Variants in TLCD3B observed in about 807,000 individuals in gnomAD.
The protein encoded by TLCD3B is ceramide synthase.
A neutral mutation model predicts 23.0 loss-of-function variants in TLCD3B; 9 were observed. That is an observed-to-expected ratio of 0.39 (90% CI 0.24 to 0.68). The LOEUF is 0.68. TLCD3B is among the 30% of genes least tolerant of loss of function. TLCD3B has a pLI of 0.44. For missense variants in TLCD3B, 307 were observed against 371.8 expected, an observed-to-expected ratio of 0.83 and a Z score of 1.43; for synonymous variants, 161 against 161.0, an observed-to-expected ratio of 1.00 and a Z score of 0.00.
In TLCD3B at chr16:30,025,897, C is replaced by T; in HGVS notation, c.445-76G>A. The stretch of plus-strand genomic sequence containing the variant: ...GGGCAGCCCCCGCCCTTCCTCTTTC[C>T]CCTCTGTCACTTTGGGAGATGCTTG... On this transcript the variant is annotated intron_variant, in intron 3 of 4. Transcript: ENST00000380495. The surrounding 1 kb of genome is among the most constrained non-coding windows in gnomAD (Gnocchi z 4.1). The T allele has an allele frequency of 1.7e-6, 2 of 1,146,298 alleles. No individual in the cohort carries two copies. The highest frequency in any genetic ancestry group is 2.6e-6 in the Non-Finnish European group (2 of 772,636). The allele number at this position is 1,146,298 out of a possible 1,614,324, so 71.0% of individuals were successfully genotyped here.
In TLCD3B at chr16:30,029,779, C is replaced by A. The variant is rs1411539655; in HGVS notation, c.126-264G>T. ...TTCCCCATTTGTGGAAACTGAGTCT[C>A]CCTCTTCTCAAGCCCGCAGGGTGTC... is the stretch of plus-strand genomic sequence containing the variant. On this transcript the variant is annotated intron_variant, in intron 1 of 4. Transcript: ENST00000380495. This position sits in a 1 kb window ranked among gnomAD's most constrained non-coding sequence, Gnocchi z 4.6. Among the ~76,000 whole-genome samples the A allele has an allele frequency of 6.6e-6, 1 of 152,204 alleles. No individual in the cohort carries two copies. Among genetic ancestry groups the A allele is most frequent in the Non-Finnish European group, 1.5e-5 (1 of 68,016 alleles).
intron 2 of TLCD3B, chr16:30,027,087 G>A (rs759725363): frequency 3.4e-5 from 21 of 625,378 alleles, no homozygotes; most frequent in Non-Finnish European, 1.5e-5. Context: ...TCTCTCTGCA[G>A]TATAGTCGGG....
upstream of TLCD3B, among the ~76,000 whole-genome samples, chr16:30,032,399 G>A (rs928126617): frequency 2.0e-5 from 3 of 152,176 alleles, no homozygotes; most frequent in Admixed American, 1.3e-4. Context: ...GGGATTTGCT[G>A]TTTTGTGCTG....
Position 30,025,252 on chromosome 16 carries a change from G to A in TLCD3B, c.756C>T (p.Ile252=). ...LAPQLYWFFL[I]CRGACRLFWP... is the part of the protein sequence containing the mutation. ...AGAAGAGGCGGCAGGCCCCACGGCA[G>A]ATGAGGAAGAACCAGTAGAGCTGAG... is the stretch of plus-strand genomic sequence containing the variant. Residue 252 remains isoleucine (I), a synonymous_variant, in exon 5 of 5, where the codon ATC becomes ATT. Transcript: ENST00000380495. This position sits in a 1 kb window ranked among gnomAD's most constrained non-coding sequence, Gnocchi z 4.1. 6.5e-7 allele frequency: 1 copy of A among 1,535,086 alleles called. No individual in the cohort carries two copies. Among genetic ancestry groups the A allele is most frequent in the African/African-American group, 1.4e-5 (1 of 72,176 alleles).
chr16:30,025,238 C>T lies in TLCD3B; in HGVS notation c.770G>A (p.Cys257Tyr). 1.3e-6 allele frequency: 2 copies of T among 1,525,138 alleles called. No individual in the cohort carries two copies. Among genetic ancestry groups the T allele is most frequent in the Middle Eastern group, 2.0e-4 (1 of 5,094 alleles). 94.5% of individuals were successfully genotyped at this position (1,525,138 alleles called of 1,614,324 possible). A position where few individuals can be genotyped will look rare whatever the true frequency, so the allele number is the denominator to read the frequency against. The change falls in exon 5 of 5, where the codon TGC becomes TAC. Residue 257 changes from cysteine (C) to tyrosine (Y), a missense_variant. Coordinates refer to ENST00000380495, the MANE Select transcript of TLCD3B (RefSeq NM_031478.6). The surrounding 1 kb of genome is among the most constrained non-coding windows in gnomAD (Gnocchi z 4.1). ...YWFFLICRGA[C>Y]RLFWPRSRPP... ...CCGGGAGCGGGGCCAGAAGAGGCGG[C>T]AGGCCCCACGGCAGATGAGGAAGAA...
intron 3 of TLCD3B, among the ~76,000 whole-genome samples, chr16:30,039,032 A>G (rs2071528127): frequency 6.6e-6 from 1 of 150,478 alleles, no homozygotes; most frequent in Admixed American, 6.6e-5. Flanking sequence ...GAGGGAAAAA[A>G]CACCACTGAA....
At chr16:30,049,771 A>G (rs1228795523) in intron 1 of TLCD3B, among the ~76,000 whole-genome samples, 1 of 152,088 alleles carries the variant, frequency 6.6e-6, no homozygotes, top group Non-Finnish European at 1.5e-5. Flanking sequence ...CTAAAAATAC[A>G]AAAATTAGCC....
chr16:30,047,206 G>A (rs544222926), intron 1 of TLCD3B, among the ~76,000 whole-genome samples: 6 of 151,994 alleles, frequency 3.9e-5, no homozygotes, highest in South Asian at 4.1e-4. Flanking sequence ...GCGCAATCTC[G>A]GCTCATTGCA....
intron 3 of TLCD3B, among the ~76,000 whole-genome samples, chr16:30,040,144 A>AT (rs1257506476): frequency 1.1e-3 from 122 of 109,420 alleles, no homozygotes; most frequent in African/African-American, 1.5e-3. Context: ...AAAAAAAAAA[A>AT]AAAATATATA....
rs1596768545 is a variant in TLCD3B, at chr16:30,039,102, T to TA, written c.-67+1892_-67+1893insT. On this transcript the variant is annotated intron_variant, in intron 3 of 6. Transcript: ENST00000561666. ...CTTATCCTTCTCCTCCTCCTTCCTCTCTTTTTTTTTTTTTTTTTTTTTTTT... is the reference window on the plus strand; with the variant it reads ...CTTATCCTTCTCCTCCTCCTTCCTCTACTTTTTTTTTTTTTTTTTTTTTTTT... Among the ~76,000 whole-genome samples, 11 of 40,228 alleles carry TA rather than the reference T, an allele frequency of 2.7e-4. 1 individual carries two copies. Among genetic ancestry groups the TA allele is most frequent in the East Asian group, 6.0e-4 (1 of 1,674 alleles). The allele number at this position is 40,228 out of a possible 152,430, so 26.4% of individuals were successfully genotyped here.
chr16:30,039,103 CTTTTTTTTT>C (rs1018184417), intron 3 of TLCD3B, among the ~76,000 whole-genome samples: 2 of 99,616 alleles, frequency 2.0e-5, no homozygotes, highest in Non-Finnish European at 3.8e-5. Flanking sequence ...TCCTTCCTCT[CTTTTTTTTT>C]TTTTTTTTTT....
At position 30,026,802 on chromosome 16, in the gene TLCD3B, T is replaced by C. The variant is rs1418456571; in HGVS notation, c.251A>G (p.Tyr84Cys). The C allele has an allele frequency of 6.2e-7, 1 of 1,613,958 alleles. No homozygotes were observed. The highest frequency in any genetic ancestry group is 8.5e-7 in the Non-Finnish European group (1 of 1,179,986). Residue 84 changes from tyrosine (Y) to cysteine (C), a missense_variant, in exon 3 of 5, where the codon TAC becomes TGC. Physicochemically the swap from Tyr to Cys is radical, Grantham distance 194. Transcript: ENST00000380495. ...CATGGCGTAGATGTCGTAGATGAAG[T>C]AGGGCACAGCAAATTGCGTGTAGGC... ...SSAYTQFAVP[Y>C]FIYDIYAMFL...
chr16:30,050,556 C>G (rs1334699664), intron 1 of TLCD3B, among the ~76,000 whole-genome samples: 1 of 152,000 alleles, frequency 6.6e-6, no homozygotes, highest in East Asian at 1.9e-4. Flanking sequence ...AAAACAAAAA[C>G]AAAAACAAAA....
chr16:30,031,866 G>C (rs1280848114), upstream of TLCD3B, among the ~76,000 whole-genome samples: 1 of 152,150 alleles, frequency 6.6e-6, no homozygotes, highest in African/African-American at 2.4e-5. Context: ...AAGTGGCACA[G>C]CCCTCTCATT....
intron 2 of TLCD3B, among the ~76,000 whole-genome samples, chr16:30,044,059 C>T (rs1414049675): frequency 3.3e-5 from 5 of 149,436 alleles, no homozygotes; most frequent in Non-Finnish European, 3.0e-5. Context: ...TGCAGTGGTG[C>T]GATCTCAGCT....
intron 1 of TLCD3B, among the ~76,000 whole-genome samples, chr16:30,049,011 T>A (rs1429172317): frequency 1.3e-5 from 2 of 152,212 alleles, no homozygotes; most frequent in Non-Finnish European, 2.9e-5. Flanking sequence ...CCTCAGGTGG[T>A]CCGCCTGCCT....
rs1307794336 is a variant in TLCD3B at position 30,026,999 on chromosome 16, A to G, written c.210-156T>C. ...GGGTAGAGGGTGAGAAACTTGCCCA[A>G]GGTCACACAGTCATGCAGCTAGTAA... On this transcript the variant is annotated intron_variant, in intron 2 of 4. Coordinates refer to ENST00000380495, the MANE Select transcript of TLCD3B (RefSeq NM_031478.6). 1.8e-5 allele frequency: 13 copies of G among 708,996 alleles called. No homozygotes were observed. The East Asian group carries it at 3.5e-4, about 19-fold the overall frequency. 43.9% of individuals were successfully genotyped at this position (708,996 alleles called of 1,614,324 possible).
rs1596778323 is a variant in TLCD3B, at chr16:30,045,428, T to G, written c.-229+895A>C. On this transcript the variant is annotated intron_variant, in intron 2 of 6. Coordinates refer to the TLCD3B transcript ENST00000561666. Reference sequence around the variant, plus strand: ...TGGTGTGTGGTGTGTTTGTGTAGTGTGTGTGGTGTGTGTGTGGTGCATGTG... The same window carrying G: ...TGGTGTGTGGTGTGTTTGTGTAGTGGGTGTGGTGTGTGTGTGGTGCATGTG... Among the ~76,000 whole-genome samples the G allele has an allele frequency of 1.4e-4, 20 of 143,192 alleles. No homozygotes were observed. The South Asian group carries it at 4.3e-3, about 31-fold the overall frequency. 93.9% of individuals were successfully genotyped at this position (143,192 alleles called of 152,430 possible). A position where few individuals can be genotyped will look rare whatever the true frequency, so the allele number is the denominator to read the frequency against.
rs765349362 is a variant in TLCD3B at position 30,030,420 on chromosome 16, T to A, written c.108A>T (p.Ala36=). 1 of 1,590,544 alleles carries A rather than the reference T, an allele frequency of 6.3e-7. No homozygotes were observed. The highest frequency in any genetic ancestry group is 8.5e-7 in the Non-Finnish European group (1 of 1,170,494). The change falls in exon 1 of 5, where the codon GCA becomes GCT. Residue 36 remains alanine, a synonymous_variant. Transcript: ENST00000380495. ...LPQLRWEEAD[A]VIVSARLVSS... ...TGGTTTACCTGGCTGAGACAATGAC[T>A]GCGTCGGCCTCCTCCCAGCGTAGCT...
Sources: allele counts gnomAD v4.1 joint callset (sites outside exome capture counted in the v4.1 genomes callset), GRCh38; gene constraint gnomAD v4.1.1; non-coding constraint Gnocchi (gnomAD v3.1); transcripts MANE v1.5; gene names NCBI Gene and HGNC (gene_info 2026-07-23, HGNC 2026-07-21).